The following RAB31 variants were observed in gnomAD, a reference collection of about 807,000 sequenced individuals.
RAB31 encodes ras-related protein Rab-31.
RAB31 carries 21 observed loss-of-function variants against 25.6 expected under a neutral mutation model. The observed-to-expected ratio is 0.82, with a 90% CI of 0.58 to 1.18. The LOEUF (loss-of-function observed/expected upper bound fraction) is 1.18. Among genes scored for constraint, RAB31 ranks in the 50% most tolerant of loss-of-function variants. RAB31 has a pLI of 0.00. For synonymous variants in RAB31, 87 were observed against 84.0 expected (o/e 1.04, Z -0.20); for missense variants, 196 against 250.1 (o/e 0.78, Z 1.46).
At chr18:9,711,598 AT>A (rs951682045) in intron 1 of RAB31, among the ~76,000 whole-genome samples, 1 of 152,174 alleles carries the variant, frequency 6.6e-6, no homozygotes, top group Non-Finnish European at 1.5e-5. Flanking sequence ...CTCTTTCAAC[AT>A]TTTAACAGGA....
At chr18:9,851,123 AG>A (rs2068787361) in intron 6 of RAB31, among the ~76,000 whole-genome samples, 1 of 152,202 alleles carries the variant, frequency 6.6e-6, no homozygotes, top group Non-Finnish European at 1.5e-5. Flanking sequence ...TGTCAGGTGA[AG>A]GTAAGTTTAG....
At chr18:9,811,107 T>C (rs1568185140) in intron 3 of RAB31, among the ~76,000 whole-genome samples, 1 of 152,188 alleles carries the variant, frequency 6.6e-6, no homozygotes, top group Non-Finnish European at 1.5e-5. Context: ...AAGGCATGCA[T>C]GGCAAATGTC....
At chr18:9,768,869 G>A (rs1312867093) in intron 1 of RAB31, among the ~76,000 whole-genome samples, 2 of 152,176 alleles carry the variant, frequency 1.3e-5, no homozygotes, top group Non-Finnish European at 2.9e-5. Flanking sequence ...GTTAACTTTT[G>A]TATAAGGTGT....
At chr18:9,746,129 C>A (rs974105451) in intron 1 of RAB31, among the ~76,000 whole-genome samples, 1 of 152,114 alleles carries the variant, frequency 6.6e-6, no homozygotes, top group African/African-American at 2.4e-5. Flanking sequence ...CAGCAGTGAA[C>A]AATTTGAAAT....
intron 5 of RAB31, among the ~76,000 whole-genome samples, chr18:9,843,976 G>A (rs1325437635): frequency 6.6e-6 from 1 of 152,192 alleles, no homozygotes; most frequent in Non-Finnish European, 1.5e-5. Context: ...TGGGGCAGGT[G>A]GAGGAAGGGG....
chr18:9,722,363 C>T (rs73383207), intron 1 of RAB31, among the ~76,000 whole-genome samples: 9,473 of 152,096 alleles, frequency 0.062, 1,028 homozygotes, highest in African/African-American at 0.21. Context: ...CCCATGTAAG[C>T]TGTGTTTTGA....
At position 9,815,157 on chromosome 18, in the gene RAB31, A is replaced by G. The variant is rs1599051178; in HGVS notation, c.315A>G (p.Lys105=). The G allele has an allele frequency of 1.3e-6, 2 of 1,557,196 alleles. No homozygotes were observed. The highest frequency in any genetic ancestry group is 1.4e-5 in the African/African-American group (1 of 73,586). Residue 105 remains lysine, a synonymous_variant, in exon 5 of 7, where the codon AAA becomes AAG. Transcript: ENST00000578921. ...YTLKKWVKEL[K]EHGPENIVMA... ...TGAAGAAATGGGTCAAGGAGCTGAAAGAACATGGTCCAGAAAACATTGTAA... is the reference window on the plus strand; with the variant it reads ...TGAAGAAATGGGTCAAGGAGCTGAAGGAACATGGTCCAGAAAACATTGTAA...
chr18:9,821,845 A>T (rs987079708), intron 5 of RAB31, among the ~76,000 whole-genome samples: 2 of 152,196 alleles, frequency 1.3e-5, no homozygotes, highest in Non-Finnish European at 2.9e-5. Context: ...TATTATGTTT[A>T]TGAATTGAAA....
Position 9,794,980 on chromosome 18 carries a change from G to A in RAB31, c.201+2745G>A, listed in dbSNP as rs59869151. ...CAAATCTGGAGGCATCACATTACCC[G>A]ACCTCAAACTATACTATAAGGGCAT... On this transcript the variant is annotated intron_variant, in intron 3 of 6. Transcript: ENST00000578921. 0.025 allele frequency among the ~76,000 whole-genome samples: 3,836 copies of A among 152,102 alleles called. 342 individuals are homozygous for A. The East Asian group carries it at 0.34, about 13-fold the overall frequency.
chr18:9,717,544 G>C (rs2068050944), intron 1 of RAB31, among the ~76,000 whole-genome samples: 1 of 151,798 alleles, frequency 6.6e-6, no homozygotes, highest in African/African-American at 2.4e-5. Context: ...TTTTTTTGAA[G>C]AAAAGGATAC....
intron 1 of RAB31, among the ~76,000 whole-genome samples, chr18:9,734,539 T>A (rs7245082): frequency 0.43 from 64,748 of 151,896 alleles, 14,018 homozygotes; most frequent in East Asian, 0.54. Context: ...GGGGAGCCTA[T>A]CTGCAGGTGT....
At chr18:9,834,896 C>T (rs1033229889) in intron 5 of RAB31, among the ~76,000 whole-genome samples, 4 of 152,202 alleles carry the variant, frequency 2.6e-5, no homozygotes, top group African/African-American at 9.7e-5. Context: ...AGAACTACAA[C>T]TATCTCAGTG....
At chr18:9,828,429 G>A (rs1417350998) in intron 5 of RAB31, among the ~76,000 whole-genome samples, 9 of 152,260 alleles carry the variant, frequency 5.9e-5, no homozygotes, top group South Asian at 2.1e-4. Flanking sequence ...TGTGGGAGCC[G>A]TTCTAGTGTC....
At chr18:9,737,307 GCACACACA>G (rs138686159) in intron 1 of RAB31, among the ~76,000 whole-genome samples, 1 of 151,054 alleles carries the variant, frequency 6.6e-6, no homozygotes, top group African/African-American at 2.4e-5. Flanking sequence ...GGTGACACGT[GCACACACA>G]CACACACCCC....
chr18:9,857,683 AGAT>A (rs765516699), intron 6 of RAB31, among the ~76,000 whole-genome samples: 5,255 of 118,286 alleles, frequency 0.044, 149 homozygotes, highest in African/African-American at 0.1. Context: ...ATAGATAGAT[AGAT>A]GATAGATAGA....
At chr18:9,844,136 A>G (rs2068748581) in intron 5 of RAB31, among the ~76,000 whole-genome samples, 3 of 152,030 alleles carry the variant, frequency 2.0e-5, no homozygotes, top group African/African-American at 7.2e-5. Flanking sequence ...CCTCACCTCC[A>G]TCCATTCTAT....
intron 1 of RAB31, among the ~76,000 whole-genome samples, chr18:9,741,469 C>A (rs1377422175): frequency 6.6e-6 from 1 of 151,174 alleles, no homozygotes; most frequent in Non-Finnish European, 1.5e-5. Flanking sequence ...GCTAAGTGAC[C>A]AAGACAATAC....
chr18:9,822,909 G>A (rs1241247294), intron 5 of RAB31, among the ~76,000 whole-genome samples: 3 of 152,130 alleles, frequency 2.0e-5, no homozygotes, highest in Admixed American at 6.5e-5. Context: ...TCACATTCAC[G>A]GGCATTTATC....
Position 9,843,494 on chromosome 18 carries a change from C to T in RAB31, c.381-2088C>T, listed in dbSNP as rs557250660. Among the ~76,000 whole-genome samples the T allele has an allele frequency of 4.1e-5, 6 of 147,644 alleles. No individual in the cohort carries two copies. In the South Asian group the frequency reaches 6.5e-4, roughly 16 times the overall value. ...CCGGGAGGCGGAGGTTGCAGTGAGCCGAGATCATGCCACTGCACTCCAGCC... is the reference window on the plus strand; with the variant it reads ...CCGGGAGGCGGAGGTTGCAGTGAGCTGAGATCATGCCACTGCACTCCAGCC... On this transcript the variant is annotated intron_variant, in intron 5 of 6. Transcript: ENST00000578921.
Sources: allele counts gnomAD v4.1 joint callset (sites outside exome capture counted in the v4.1 genomes callset), GRCh38; gene constraint gnomAD v4.1.1; transcripts MANE v1.5; gene names NCBI Gene and HGNC (gene_info 2026-07-23, HGNC 2026-07-21).